STAT4: variants seen among roughly 807,000 people sequenced by gnomAD.
STAT4 encodes the protein signal transducer and activator of transcription 4.
STAT4 carries 42 observed loss-of-function variants against 110.5 expected under a neutral mutation model. The ratio of observed to expected loss-of-function variants is 0.38; its 90% CI spans 0.30 to 0.49. The LOEUF (loss-of-function observed/expected upper bound fraction) is 0.49. STAT4 is among the 20% of genes least tolerant of loss of function. STAT4 has a pLI of 0.95. For missense variants in STAT4, 632 were observed against 887.9 expected (o/e 0.71, Z 3.66); for synonymous variants, 284 against 302.2 (o/e 0.94, Z 0.63).
At chr2:191,036,379 C>G (rs376963259) in intron 16 of STAT4, 80 bp from the exon 17 acceptor site, 1 of 1,385,614 alleles carries the variant, frequency 7.2e-7, no homozygotes, top group African/African-American at 1.4e-5. Context: ...CAAGAGAGGT[C>G]TCCCCCTCTC....
Position 191,042,418 on chromosome 2 carries a change from C to A in STAT4, c.1252-1270G>T, listed in dbSNP as rs978193526. On this transcript the variant is annotated intron_variant, in intron 14 of 23. Transcript: ENST00000392320. The surrounding 1 kb of genome is among the most constrained non-coding windows in gnomAD (Gnocchi z 4.2). ...CAATAAATATATGGCATGTTGAAGG[C>A]GCAGATCAACCGTTTGTAATGGGAA... Among the ~76,000 whole-genome samples the A allele has an allele frequency of 6.6e-6, 1 of 152,110 alleles. No individual in the cohort carries two copies. Among genetic ancestry groups the A allele is most frequent in the South Asian group, 2.1e-4 (1 of 4,832 alleles).
At chr2:191,074,882 C>CG (rs1228205663) in intron 4 of STAT4, among the ~76,000 whole-genome samples, 1 of 151,986 alleles carries the variant, frequency 6.6e-6, no homozygotes, top group Non-Finnish European at 1.5e-5. Flanking sequence ...TACTTTTGGC[C>CG]GGGGGCGGTG....
At chr2:191,133,919 C>G (rs551206985) in intron 3 of STAT4, among the ~76,000 whole-genome samples, 7 of 152,138 alleles carry the variant, frequency 4.6e-5, no homozygotes, top group Middle Eastern at 3.4e-3. Context: ...TATTCAGCAG[C>G]AAAAAGAAAT....
Position 191,031,501 on chromosome 2 carries a change from T to C in STAT4, c.2060A>G (p.Glu687Gly). Residue 687 changes from glutamate (E) to glycine (G), a missense_variant, in exon 22 of 24, where the codon GAA becomes GGA. By Grantham distance (98) the Glu-to-Gly change is moderately conservative. This residue lies in a region of STAT4 where 38 missense variants were observed against 33.2 expected (regional missense o/e 1.15). Coordinates refer to ENST00000392320, the MANE Select transcript of STAT4 (RefSeq NM_003151.4). The surrounding 1 kb of genome is among the most constrained non-coding windows in gnomAD (Gnocchi z 4.8). ...SQPCEVSRPT[E>G]RGDKGYVPSV... ...AGGAACATAACCTTTGTCACCCCTT[T>C]CTGTTGGTCTTGAAACTGGAAAACA... 1 of 1,613,342 alleles carries C rather than the reference T, an allele frequency of 6.2e-7. No homozygotes were observed. Among genetic ancestry groups the C allele is most frequent in the Non-Finnish European group, 8.5e-7 (1 of 1,179,628 alleles).
At position 191,123,433 on chromosome 2, in the gene STAT4, G is replaced by A. The variant is rs150529040; in HGVS notation, c.273+23180C>T. 3.0e-3 allele frequency among the ~76,000 whole-genome samples: 449 copies of A among 152,142 alleles called. 10 individuals carry two copies. The highest frequency in any genetic ancestry group is 0.028 in the South Asian group (136 of 4,828). On this transcript the variant is annotated intron_variant, in intron 3 of 23. Transcript: ENST00000392320. Reference sequence around the variant, plus strand: ...AGTGTCTCCCTCCTTCTGCTAAAAGGTTTCCTCTACCCTTCCTTCTTCTGG... The same window carrying A: ...AGTGTCTCCCTCCTTCTGCTAAAAGATTTCCTCTACCCTTCCTTCTTCTGG...
chr2:191,101,080 C>A (rs764500837), intron 3 of STAT4, among the ~76,000 whole-genome samples: 4 of 152,122 alleles, frequency 2.6e-5, no homozygotes, highest in Non-Finnish European at 5.9e-5. Context: ...GGGTGAGAAA[C>A]AAGTGGGATG....
At chr2:191,101,510 A>C (rs1354206501) in intron 3 of STAT4, among the ~76,000 whole-genome samples, 1 of 152,168 alleles carries the variant, frequency 6.6e-6, no homozygotes, top group African/African-American at 2.4e-5. Context: ...GTCTAATTTA[A>C]TAAATTATCC....
intron 3 of STAT4, among the ~76,000 whole-genome samples, chr2:191,105,983 G>C (rs1398918981): frequency 6.6e-6 from 1 of 152,178 alleles, no homozygotes. Flanking sequence ...GGGATTTGCT[G>C]TGAAGACGAC....
Position 191,030,984 on chromosome 2 carries a change from T to C in STAT4, c.2208A>G (p.Thr736=), listed in dbSNP as rs779652985. The C allele has an allele frequency of 2.5e-6, 4 of 1,613,808 alleles. No individual in the cohort carries two copies. In the East Asian group the frequency reaches 8.9e-5, roughly 36 times the overall value. ...AVLRENLSPT[T]IETAMKSPYS... ...AAAGGGAACATACTGCAGTTTCAATTGTTGTGGGACTCAGGTTTTCTCTCA... is the reference window on the plus strand; with the variant it reads ...AAAGGGAACATACTGCAGTTTCAATCGTTGTGGGACTCAGGTTTTCTCTCA... The change falls in exon 23 of 24, where the codon ACA becomes ACG. Residue 736 remains threonine, a synonymous_variant. Transcript: ENST00000392320. The surrounding 1 kb of genome is among the most constrained non-coding windows in gnomAD (Gnocchi z 4.4).
chr2:191,151,508 A>T, upstream of STAT4: 1 of 985,568 alleles, frequency 1.0e-6, no homozygotes, highest in Non-Finnish European at 1.2e-6. This position sits in a 1 kb window ranked among gnomAD's most constrained non-coding sequence, Gnocchi z 4.7. Context: ...GACCTGACCC[A>T]GAGGGTTGGG....
chr2:191,124,881 T>C (rs1366645099), intron 3 of STAT4, among the ~76,000 whole-genome samples: 1 of 152,228 alleles, frequency 6.6e-6, no homozygotes, highest in Non-Finnish European at 1.5e-5. Context: ...TCCTTTTCCT[T>C]GCACTATGAC....
At chr2:191,085,196 C>T (rs73981266) in intron 3 of STAT4, among the ~76,000 whole-genome samples, 228 of 151,926 alleles carry the variant, frequency 1.5e-3, no homozygotes, top group African/African-American at 5.2e-3. Context: ...ATCATTTTGG[C>T]TAAATAAATT....
Position 191,108,000 on chromosome 2 carries a change from T to C in STAT4, c.274-31675A>G, listed in dbSNP as rs1574162000. ...CACCAAGAATGAAAGAAAGACATTA[T>C]CCATTGTTGGCCGGGTGCGGGGGCT... On this transcript the variant is annotated intron_variant, in intron 3 of 23. Transcript: ENST00000392320. The surrounding 1 kb of genome is among the most constrained non-coding windows in gnomAD (Gnocchi z 4.2). Among the ~76,000 whole-genome samples the C allele has an allele frequency of 6.6e-6, 1 of 152,060 alleles. No homozygotes were observed. The highest frequency in any genetic ancestry group is 1.5e-5 in the Non-Finnish European group (1 of 68,014).
At chr2:191,081,271 T>C (rs1271247761) in intron 3 of STAT4, among the ~76,000 whole-genome samples, 2 of 152,206 alleles carry the variant, frequency 1.3e-5, no homozygotes, top group Non-Finnish European at 2.9e-5. Flanking sequence ...TTCCAAGTCT[T>C]TGCTATTGTG....
intron 3 of STAT4, among the ~76,000 whole-genome samples, chr2:191,124,546 A>T (rs1372089514): frequency 6.6e-6 from 1 of 151,850 alleles, no homozygotes; most frequent in Non-Finnish European, 1.5e-5. Context: ...GCACTCAAAG[A>T]GCTCACAGTC....
At chr2:191,055,151 A>G (rs1294381651) in intron 13 of STAT4, among the ~76,000 whole-genome samples, 1 of 152,028 alleles carries the variant, frequency 6.6e-6, no homozygotes, top group East Asian at 1.9e-4. Context: ...AGAAGTTAAT[A>G]GCGTTGCAAA....
chr2:191,073,283 T>C, intron 4 of STAT4, 93 bp from the exon 5 acceptor site: 3 of 952,904 alleles, frequency 3.1e-6, no homozygotes, highest in South Asian at 2.8e-5. Context: ...GAGGTCTGGA[T>C]CAATGTGATA....
Position 191,077,845 on chromosome 2 carries a change from G to C in STAT4, c.274-1520C>G, listed in dbSNP as rs1361905605. On this transcript the variant is annotated intron_variant, in intron 3 of 23. Transcript: ENST00000392320. This position sits in a 1 kb window ranked among gnomAD's most constrained non-coding sequence, Gnocchi z 4.1. ...TTTCTTTTTTCTCTTTAAATCAAAA[G>C]TCTCCAAATGAAAAAAACAAAAATA... Among the ~76,000 whole-genome samples the C allele has an allele frequency of 1.3e-5, 2 of 151,554 alleles. No individual in the cohort carries two copies. The highest frequency in any genetic ancestry group is 4.8e-5 in the African/African-American group (2 of 41,244).
In STAT4 at chr2:191,107,037, CAT is replaced by C. The variant is rs1698302717; in HGVS notation, c.274-30714_274-30713del. Among the ~76,000 whole-genome samples, 1 of 152,106 alleles carries C rather than the reference CAT, an allele frequency of 6.6e-6. No individual in the cohort carries two copies. ...AAGTGATATTTGGACTTGATAGACA[CAT>C]GTATGAAATTCAAGTACTCTACACA... On this transcript the variant is annotated intron_variant, in intron 3 of 23. Coordinates refer to ENST00000392320, the MANE Select transcript of STAT4 (RefSeq NM_003151.4). The surrounding 1 kb of genome is among the most constrained non-coding windows in gnomAD (Gnocchi z 4.2).
Sources: allele counts gnomAD v4.1 joint callset (sites outside exome capture counted in the v4.1 genomes callset), GRCh38; gene constraint gnomAD v4.1.1; regional missense constraint gnomAD v4.1.1; non-coding constraint Gnocchi (gnomAD v3.1); transcripts MANE v1.5; gene names NCBI Gene and HGNC (gene_info 2026-07-23, HGNC 2026-07-21).